Variants in KLRG1 observed in about 807,000 individuals in gnomAD.
The protein encoded by KLRG1 is killer cell lectin-like receptor subfamily G member 1.
KLRG1 carries 16 observed loss-of-function variants against 21.8 expected under a neutral mutation model. The ratio of observed to expected loss-of-function variants is 0.73; its 90% CI spans 0.50 to 1.11. KLRG1 has a LOEUF of 1.11. KLRG1 is among the 50% of genes most tolerant of loss of function. KLRG1 has a pLI of 0.00. For missense variants in KLRG1, 173 were observed against 218.3 expected (o/e 0.79, Z 1.31); for synonymous variants, 69 against 75.9 (o/e 0.91, Z 0.47).
the KLRG1 span, among the ~76,000 whole-genome samples, chr12:9,050,986 C>T: frequency 6.6e-6 from 1 of 152,188 alleles, no homozygotes; most frequent in Non-Finnish European, 1.5e-5. Context: ...GGGGCGGGCC[C>T]CCAGTAAGGC....
At chr12:9,002,815 C>T (rs1463032477) in intron 3 of KLRG1, among the ~76,000 whole-genome samples, 2 of 151,824 alleles carry the variant, frequency 1.3e-5, no homozygotes, top group South Asian at 2.1e-4. Context: ...GATTTTCCTG[C>T]CTTGGCCTCT....
At chr12:9,149,083 G>A in the KLRG1 span, 1 of 1,216,584 alleles carries the variant, frequency 8.2e-7, no homozygotes, top group Non-Finnish European at 1.2e-6. Context: ...CTTATGCAGG[G>A]TCAGGAAACT....
the KLRG1 span, among the ~76,000 whole-genome samples, chr12:9,212,796 G>T: frequency 6.6e-6 from 1 of 151,478 alleles, no homozygotes; most frequent in South Asian, 2.1e-4. Context: ...TTTTTAAATG[G>T]ACACAAATTC....
At chr12:8,969,633 A>G (rs942183660) in intron 1 of KLRG1, among the ~76,000 whole-genome samples, 1 of 152,206 alleles carries the variant, frequency 6.6e-6, no homozygotes, top group Non-Finnish European at 1.5e-5. Context: ...GAAGAATCTA[A>G]TAAAGAGGCA....
the KLRG1 span, among the ~76,000 whole-genome samples, chr12:9,178,050 G>A: frequency 1.3e-5 from 2 of 152,064 alleles, no homozygotes; most frequent in East Asian, 1.9e-4. Flanking sequence ...TAATTATTAC[G>A]CTATGAGGAG....
At chr12:9,190,228 G>C in the KLRG1 span, among the ~76,000 whole-genome samples, 1 of 152,026 alleles carries the variant, frequency 6.6e-6, no homozygotes. Context: ...ATGAACAGTA[G>C]CAAAGACATG....
At chr12:9,056,562 GGGGTGTGTGTGT>G in the KLRG1 span, among the ~76,000 whole-genome samples, 1 of 44,176 alleles carries the variant, frequency 2.3e-5, no homozygotes, top group Non-Finnish European at 5.0e-5. Context: ...TTTTACTTGG[GGGGTGTGTGTGT>G]GTGTGTGTGT....
At chr12:9,115,951 T>C in the KLRG1 span, 2 of 910,178 alleles carry the variant, frequency 2.2e-6, no homozygotes. Flanking sequence ...GGCTTTATGC[T>C]GCTCTGTGTG....
the KLRG1 span, chr12:9,152,931 A>AAAG: frequency 2.5e-6 from 4 of 1,614,136 alleles, no homozygotes; most frequent in East Asian, 8.9e-5. Flanking sequence ...TCTCTGGAAG[A>AAAG]ATATTGTATT....
chr12:9,112,535 A>G, the KLRG1 span: 3 of 1,613,550 alleles, frequency 1.9e-6, no homozygotes, highest in Non-Finnish European at 2.5e-6. Context: ...AGACTTTGGG[A>G]CCTGAAATAC....
the KLRG1 span, among the ~76,000 whole-genome samples, chr12:9,087,753 ATACAATTATAAATGGTCAGTT>A: frequency 6.6e-6 from 1 of 152,150 alleles, no homozygotes; most frequent in Admixed American, 6.5e-5. Flanking sequence ...CTGTATATAT[ATACAATTATAAATGGTCAGTT>A]TACAATGTAA....
intron 2 of KLRG1, among the ~76,000 whole-genome samples, chr12:8,994,276 G>A (rs1947064874): frequency 6.6e-6 from 1 of 152,052 alleles, no homozygotes; most frequent in Non-Finnish European, 1.5e-5. Flanking sequence ...ATGTTGGCTA[G>A]ACTGATCTTG....
the KLRG1 span, among the ~76,000 whole-genome samples, chr12:9,096,612 G>T: frequency 6.6e-6 from 1 of 152,206 alleles, no homozygotes; most frequent in African/African-American, 2.4e-5. Context: ...CCATTTGAAG[G>T]TGAGAAGTAA....
the KLRG1 span, chr12:9,101,600 A>T: frequency 6.2e-7 from 1 of 1,614,050 alleles, no homozygotes. Flanking sequence ...CAAGATAAGC[A>T]GTGTGATGTG....
the KLRG1 span, among the ~76,000 whole-genome samples, chr12:9,185,319 AG>A: frequency 6.6e-6 from 1 of 152,250 alleles, no homozygotes; most frequent in African/African-American, 2.4e-5. Context: ...GACCAAGCTG[AG>A]GAAAGAATCT....
chr12:9,063,858 G>A, the KLRG1 span, among the ~76,000 whole-genome samples: 2 of 152,182 alleles, frequency 1.3e-5, no homozygotes, highest in Admixed American at 6.5e-5. Flanking sequence ...CAATCAGTTA[G>A]TATTTCAGGA....
the KLRG1 span, among the ~76,000 whole-genome samples, chr12:9,161,837 A>G: frequency 6.6e-6 from 1 of 152,206 alleles, no homozygotes; most frequent in African/African-American, 2.4e-5. Context: ...TTCTACACGG[A>G]AAACACACAT....
chr12:9,058,844 T>G, the KLRG1 span: 1 of 152,832 alleles, frequency 6.5e-6, no homozygotes, highest in Admixed American at 6.5e-5. Flanking sequence ...TGTTGTGCAC[T>G]TCTGTCCTGC....
chr12:9,203,368 G>A, the KLRG1 span, among the ~76,000 whole-genome samples: 49,025 of 135,990 alleles, frequency 0.36, 8,526 homozygotes, highest in East Asian at 0.46. Context: ...TTGAGACGGA[G>A]TCTCGCTCTG....
Sources: allele counts gnomAD v4.1 joint callset (sites outside exome capture counted in the v4.1 genomes callset), GRCh38; gene constraint gnomAD v4.1.1; transcripts MANE v1.5; gene names NCBI Gene and HGNC (gene_info 2026-07-23, HGNC 2026-07-21).